Variants in NEURL4 observed in about 807,000 individuals in gnomAD.
NEURL4 encodes neuralized-like protein 4.
NEURL4 carries 45 observed loss-of-function variants against 148.0 expected under a neutral mutation model. The observed-to-expected ratio is 0.30, with a 90% confidence interval of 0.24 to 0.39. NEURL4 has a LOEUF of 0.39. Among genes scored for constraint, NEURL4 ranks in the 10% least tolerant of loss-of-function variants. The pLI is 1.00. For synonymous variants in NEURL4, 854 were observed against 869.0 expected (o/e 0.98, Z 0.30); for missense variants, 1,776 against 2,144.0 (o/e 0.83, Z 3.39).
chr17:7,317,076 T>C, intron 28 of NEURL4, 129 bp downstream of exon 28: 1 of 586,318 alleles, frequency 1.7e-6, no homozygotes, highest in Non-Finnish European at 2.8e-6. Context: ...AAGGGCTGAG[T>C]TGGAGACTGG....
rs745880422 is a variant in NEURL4 at position 7,326,734 on chromosome 17, G to A, written c.1069C>T (p.Leu357Phe). ...ACCTCAAACATCTCATTGTCCCGAA[G>A]GGGGCGATTGGTCATGACAACCCCA... The part of the protein sequence containing the change: ...NNGVVMTNRP[L>F]RDNEMFEIRI... The change falls in exon 4 of 29, where the codon CTT (leucine) becomes TTT (phenylalanine). Residue 357 changes from leucine to phenylalanine, a missense_variant. Coordinates refer to ENST00000399464, the MANE Select transcript of NEURL4 (RefSeq NM_032442.3). The surrounding 1 kb of genome is among the most constrained non-coding windows in gnomAD (Gnocchi z 6.0). 6.2e-7 allele frequency: 1 copy of A among 1,611,684 alleles called. No homozygotes were observed. The highest frequency in any genetic ancestry group is 8.5e-7 in the Non-Finnish European group (1 of 1,179,390).
In NEURL4 at chr17:7,320,289, T is replaced by G. The variant is rs947792378; in HGVS notation, c.3525+470A>C. On this transcript the variant is annotated intron_variant, in intron 21 of 28. Transcript: ENST00000399464. ...CTGGGATTACAGGCTCGTGCCACCATGCCTGGAGAATTTTTGTATTTTTTT... is the reference window on the plus strand; with the variant it reads ...CTGGGATTACAGGCTCGTGCCACCAGGCCTGGAGAATTTTTGTATTTTTTT... 3.9e-5 allele frequency among the ~76,000 whole-genome samples: 6 copies of G among 152,154 alleles called. No individual in the cohort carries two copies. The East Asian group carries it at 1.2e-3, about 29-fold the overall frequency.
In NEURL4 at chr17:7,319,374, C is replaced by CTT. The variant is rs374281551; in HGVS notation, c.3526-168_3526-167dup. Reference sequence around the variant, plus strand: ...CGCTAATTTAGTTGTTTCTTTCCCTCTTTTTTTTTTTTTTTTTTTTTTTTT... The same window carrying CTT: ...CGCTAATTTAGTTGTTTCTTTCCCTCTTTTTTTTTTTTTTTTTTTTTTTTTTT... On this transcript the variant is annotated intron_variant, in intron 21 of 28. Coordinates refer to ENST00000399464, the MANE Select transcript of NEURL4 (RefSeq NM_032442.3). Among the ~76,000 whole-genome samples the CTT allele has an allele frequency of 2.4e-3, 270 of 113,822 alleles. 4 individuals carry two copies. Among genetic ancestry groups the CTT allele is most frequent in the East Asian group, 9.9e-3 (38 of 3,848 alleles). The allele number at this position is 113,822 out of a possible 152,430, so 74.7% of individuals were successfully genotyped here. A position where few individuals can be genotyped will look rare whatever the true frequency, so the allele number is the denominator to read the frequency against.
In NEURL4 at chr17:7,322,027, C is replaced by G. The variant is rs763535538; in HGVS notation, c.2726-17G>C. 7 of 1,593,326 alleles carry G rather than the reference C, an allele frequency of 4.4e-6. No individual in the cohort carries two copies. On this transcript the variant is annotated splice_polypyrimidine_tract_variant and intron_variant, in intron 16 of 28. Transcript: ENST00000399464. The surrounding 1 kb of genome is among the most constrained non-coding windows in gnomAD (Gnocchi z 5.5). ...CGCCAGCCACTGTGAAGAGATGGCA[C>G]CAGTAGAAGGGGTAGGATTGGGGCA...
intron 26 of NEURL4, 57 bp from the exon 27 acceptor site, chr17:7,317,630 G>A: frequency 6.4e-7 from 1 of 1,568,354 alleles, no homozygotes; most frequent in Non-Finnish European, 8.8e-7. Flanking sequence ...CCCAGTGGAG[G>A]AGCTTCACGA....
At position 7,327,087 on chromosome 17, in the gene NEURL4, C is replaced by T. The variant is rs2073112427; in HGVS notation, c.793+78G>A. 2 of 1,600,080 alleles carry T rather than the reference C, an allele frequency of 1.2e-6. No individual in the cohort carries two copies. The highest frequency in any genetic ancestry group is 2.7e-5 in the African/African-American group (2 of 74,838). ...ACCCCCAGACCTGGTGCCTCTCTCC[C>T]TACCCCTTCTCCTGAGGGCCCTCCC... On this transcript the variant is annotated intron_variant, in intron 3 of 28. Transcript: ENST00000399464. The surrounding 1 kb of genome is among the most constrained non-coding windows in gnomAD (Gnocchi z 6.6).
Position 7,315,903 on chromosome 17 carries a change from C to T in NEURL4, c.*220G>A, listed in dbSNP as rs1364092973. 6.7e-6 allele frequency: 4 copies of T among 595,194 alleles called. No individual in the cohort carries two copies. The highest frequency in any genetic ancestry group is 1.2e-5 in the Non-Finnish European group (4 of 333,688). 36.9% of individuals were successfully genotyped at this position (595,194 alleles called of 1,614,324 possible). ...AGGGGTACCAGGGCCTGGAGCTGGG[C>T]TCCCACGACTCCTCCCATCAGACGG... is the stretch of plus-strand genomic sequence containing the variant. On this transcript the variant is annotated 3_prime_UTR_variant, in exon 29 of 29. Coordinates refer to ENST00000399464, the MANE Select transcript of NEURL4 (RefSeq NM_032442.3).
intron 28 of NEURL4, 114 bp from the exon 29 acceptor site, chr17:7,316,441 T>A (rs1280919589): frequency 1.3e-6 from 1 of 791,174 alleles, no homozygotes; most frequent in East Asian, 2.7e-5. Context: ...TCCCACCTTA[T>A]GGGAACTTCG....
Position 7,329,036 on chromosome 17 carries a change from G to T in NEURL4, c.277C>A (p.Arg93Ser). 1 of 1,577,608 alleles carries T rather than the reference G, an allele frequency of 6.3e-7. No individual in the cohort carries two copies. The highest frequency in any genetic ancestry group is 8.6e-7 in the Non-Finnish European group (1 of 1,159,622). Residue 93 changes from arginine to serine, a missense_variant, in exon 1 of 29, where the codon CGC becomes AGC. Arg to Ser is a moderately radical substitution (Grantham distance 110, BLOSUM62 -1). Transcript: ENST00000399464. ...CCGCGGTACCAGCGCTGCACCTTGC[G>T]GTCGATGCGGACGGTGAAGACGCGT... ...DGRVFTVRID[R>S]KVNSWSGSIE...
rs2073043272 is a variant in NEURL4 at position 7,322,190 on chromosome 17, C to G, written c.2726-180G>C. On this transcript the variant is annotated intron_variant, in intron 16 of 28. Coordinates refer to ENST00000399464, the MANE Select transcript of NEURL4 (RefSeq NM_032442.3). The surrounding 1 kb of genome is among the most constrained non-coding windows in gnomAD (Gnocchi z 5.5). The stretch of plus-strand genomic sequence containing the variant: ...TGTATTTTGTTGAGGCAGAGTCTCG[C>G]TCTGTCACTCAGGCTGGAGTGCAGG... Among the ~76,000 whole-genome samples, 1 of 152,142 alleles carries G rather than the reference C, an allele frequency of 6.6e-6. No individual in the cohort carries two copies. Among genetic ancestry groups the G allele is most frequent in the Admixed American group, 6.5e-5 (1 of 15,272 alleles).
intron 28 of NEURL4, 150 bp from the exon 29 acceptor site, chr17:7,316,477 C>T (rs372557518): frequency 1.6e-5 from 10 of 644,820 alleles, no homozygotes; most frequent in African/African-American, 1.8e-5. Flanking sequence ...CTGAAATGCT[C>T]TTCCTCCCAA....
chr17:7,316,632 A>T (rs1034238471), intron 28 of NEURL4, among the ~76,000 whole-genome samples: 3 of 152,180 alleles, frequency 2.0e-5, no homozygotes, highest in Non-Finnish European at 4.4e-5. Flanking sequence ...TACCTTTAAA[A>T]ATACTAAATA....
At position 7,324,124 on chromosome 17, in the gene NEURL4, G is replaced by C. The variant is rs910342457; in HGVS notation, c.2046C>G (p.Thr682=). 2 of 1,613,102 alleles carry C rather than the reference G, an allele frequency of 1.2e-6. No homozygotes were observed. Among genetic ancestry groups the C allele is most frequent in the Non-Finnish European group, 1.7e-6 (2 of 1,180,000 alleles). Residue 682 remains threonine (T), a synonymous_variant, in exon 11 of 29, where the codon ACC becomes ACG. Transcript: ENST00000399464. The surrounding 1 kb of genome is among the most constrained non-coding windows in gnomAD (Gnocchi z 5.9). ...VDLYGQAAQA[T]IVDDVEVAPV... ...GGCCCTCACCCACGTCGTCCACAAT[G>C]GTGGCCTGGGCCGCCTGGCCATAGA...
In NEURL4 at chr17:7,326,031, C is replaced by A. The variant is rs954550181; in HGVS notation, c.1293+224G>T. 6.6e-6 allele frequency among the ~76,000 whole-genome samples: 1 copy of A among 152,134 alleles called. No homozygotes were observed. The highest frequency in any genetic ancestry group is 2.4e-5 in the African/African-American group (1 of 41,432). ...AGAGGATAAGCTTCTTGCCCCGGTT[C>A]GCTACTACAAATGGGAAAACAGTAA... On this transcript the variant is annotated intron_variant, in intron 6 of 28. Coordinates refer to ENST00000399464, the MANE Select transcript of NEURL4 (RefSeq NM_032442.3). The surrounding 1 kb of genome is among the most constrained non-coding windows in gnomAD (Gnocchi z 6.0).
At position 7,316,159 on chromosome 17, in the gene NEURL4, G is replaced by A; in HGVS notation, c.4653C>T (p.Ala1551=). Residue 1551 remains alanine, a synonymous_variant, in exon 29 of 29, where the codon GCC becomes GCT. Transcript: ENST00000399464. ...ELEWVTKEKG[A]TLLCALLVRV... is the part of the protein sequence containing the mutation. The stretch of plus-strand genomic sequence containing the variant: ...GTACCAGCAGGGCACAGAGGAGTGT[G>A]GCCCCCTTCTCCTTAGTGACCCACT... 6.3e-7 allele frequency: 1 copy of A among 1,587,836 alleles called. No individual in the cohort carries two copies. The highest frequency in any genetic ancestry group is 8.6e-7 in the Non-Finnish European group (1 of 1,156,072).
intron 28 of NEURL4, among the ~76,000 whole-genome samples, chr17:7,316,585 G>A (rs1384698254): frequency 6.6e-6 from 1 of 152,096 alleles, no homozygotes; most frequent in African/African-American, 2.4e-5. Flanking sequence ...TGCTGTCTCC[G>A]CCCCATTCTT....
In NEURL4 at chr17:7,319,049, C is replaced by T. The variant is rs756283533; in HGVS notation, c.3684+1G>A. 1.2e-6 allele frequency: 2 copies of T among 1,609,922 alleles called. No homozygotes were observed. Among genetic ancestry groups the T allele is most frequent in the Non-Finnish European group, 1.7e-6 (2 of 1,177,884 alleles). On this transcript the variant is annotated splice_donor_variant, in intron 22 of 28. Transcript: ENST00000399464. LOFTEE classifies it high-confidence loss of function. ...GTTCCTTCTCTCTGGCTCCTACTCA[C>T]CTTGAGACCGTTGTGGAAGACCCCA... is the stretch of plus-strand genomic sequence containing the variant.
chr17:7,327,464 C>G lies in NEURL4; in HGVS notation c.703G>C (p.Glu235Gln). The G allele has an allele frequency of 1.3e-6, 2 of 1,562,544 alleles. No homozygotes were observed. The highest frequency in any genetic ancestry group is 2.4e-5 in the South Asian group (2 of 82,516). ...LAPTEDSALA[E>Q]QGTSADEAFM... ...CCTTCATCTGCAGAGGTCCCCTGTT[C>G]AGCCAAGGCAGAGTCTTCAGTGGGG... Residue 235 changes from glutamate to glutamine, a missense_variant, in exon 2 of 29, where the codon GAA (glutamate) becomes CAA (glutamine). By Grantham distance (29) the Glu-to-Gln change is conservative (BLOSUM62 2). Coordinates refer to ENST00000399464, the MANE Select transcript of NEURL4 (RefSeq NM_032442.3). The surrounding 1 kb of genome is among the most constrained non-coding windows in gnomAD (Gnocchi z 6.6).
Position 7,323,051 on chromosome 17 carries a change from T to C in NEURL4, c.2490A>G (p.Thr830=), listed in dbSNP as rs201015098. 4.3e-4 allele frequency: 690 copies of C among 1,613,776 alleles called. 2 individuals carry two copies. In the Middle Eastern group the frequency reaches 5.9e-3, roughly 14 times the overall value. The change falls in exon 15 of 29, where the codon ACA becomes ACG. Residue 830 remains threonine (T), a synonymous_variant. Coordinates refer to ENST00000399464, the MANE Select transcript of NEURL4 (RefSeq NM_032442.3). The part of the protein sequence containing the change: ...NYGCDLDALG[T]GARIGMMRTA... The stretch of plus-strand genomic sequence containing the variant: ...TTCGCATCATGCCAATGCGTGCACC[T>C]GTGCCCAGCGCATCCAGGTCACACC...
Sources: gnomAD v4.1 joint callset for allele counts (sites outside exome capture counted in the v4.1 genomes callset) on GRCh38, gnomAD v4.1.1 for gene constraint, Gnocchi (gnomAD v3.1) non-coding constraint, MANE v1.5 for transcripts, NCBI Gene and HGNC (gene_info 2026-07-23, HGNC 2026-07-21) for gene names.